Variants in HACE1 observed in about 807,000 individuals in gnomAD.
HACE1 encodes HECT domain and ankyrin repeat containing E3 ubiquitin protein ligase 1.
HACE1 carries 73 observed loss-of-function variants against 118.4 expected under a neutral mutation model. The ratio of observed to expected loss-of-function variants is 0.62; its 90% CI spans 0.51 to 0.75. The LOEUF is 0.75. Ranked by LOEUF, HACE1 falls within the 30% of genes least tolerant of loss-of-function variation. HACE1 has a pLI of 0.00. For missense variants in HACE1, 749 were observed against 1,102.2 expected, an observed-to-expected ratio of 0.68 and a Z score of 4.54; for synonymous variants, 368 against 374.8, an observed-to-expected ratio of 0.98 and a Z score of 0.21.
intron 19 of HACE1, among the ~76,000 whole-genome samples, chr6:104,756,436 T>C (rs1401451784): frequency 1.4e-5 from 2 of 144,800 alleles, no homozygotes; most frequent in African/African-American, 5.1e-5. Context: ...AATATATATA[T>C]ATATATATAT....
intron 1 of HACE1, among the ~76,000 whole-genome samples, chr6:104,854,974 C>G (rs898324381): frequency 1.3e-5 from 2 of 152,008 alleles, no homozygotes; most frequent in African/African-American, 2.4e-5. Context: ...ATTTAAGAAC[C>G]ATTATCTTAA....
chr6:104,742,930 A>G (rs1360964984), intron 22 of HACE1, among the ~76,000 whole-genome samples: 1 of 152,082 alleles, frequency 6.6e-6, no homozygotes, highest in African/African-American at 2.4e-5. Context: ...CAACAATGAT[A>G]GACTGGATTA....
chr6:104,795,682 G>T lies in HACE1; in HGVS notation c.820C>A (p.Arg274=), dbSNP rs186515097. The part of the protein sequence containing the change: ...QNEDLRENML[R]QVLEHLSQQS... ...TGAGACAAATGCTCCAGAACTTGCC[G>T]TAACTAAATTTTTTACAAATAAAAA... is the stretch of plus-strand genomic sequence containing the variant. Residue 274 remains arginine, a synonymous_variant, in exon 10 of 24, where the codon CGG becomes AGG. Coordinates refer to ENST00000262903, the MANE Select transcript of HACE1 (RefSeq NM_020771.4). 1 of 1,595,724 alleles carries T rather than the reference G, an allele frequency of 6.3e-7. No homozygotes were observed. Among genetic ancestry groups the T allele is most frequent in the African/African-American group, 1.3e-5 (1 of 74,622 alleles).
At chr6:104,794,755 A>C (rs1783427298) in intron 10 of HACE1, among the ~76,000 whole-genome samples, 1 of 152,130 alleles carries the variant, frequency 6.6e-6, no homozygotes, top group Admixed American at 6.6e-5. Context: ...AATACAAAAA[A>C]TTAGCCGGGC....
intron 4 of HACE1, among the ~76,000 whole-genome samples, chr6:104,847,439 A>G (rs900609473): frequency 1.3e-5 from 2 of 152,228 alleles, no homozygotes; most frequent in African/African-American, 4.8e-5. Context: ...GATATCTAAC[A>G]TGGCTAATTA....
At chr6:104,823,042 G>A (rs1340019727) in intron 6 of HACE1, among the ~76,000 whole-genome samples, 1 of 152,122 alleles carries the variant, frequency 6.6e-6, no homozygotes, top group African/African-American at 2.4e-5. Flanking sequence ...AACTGTCATA[G>A]CCTTGTATTT....
At chr6:104,764,966 C>A (rs981170123) in intron 19 of HACE1, among the ~76,000 whole-genome samples, 1 of 152,154 alleles carries the variant, frequency 6.6e-6, no homozygotes, top group Non-Finnish European at 1.5e-5. Flanking sequence ...TACACAACAT[C>A]CTTCATATTA....
At chr6:104,734,441 C>T (rs1775591336) in intron 22 of HACE1, among the ~76,000 whole-genome samples, 1 of 151,996 alleles carries the variant, frequency 6.6e-6, no homozygotes. Flanking sequence ...AAAATTTATA[C>T]TTTTGGTTTT....
rs993195605 is a variant in HACE1, at chr6:104,791,628, A to T, written c.950T>A (p.Met317Lys). Residue 317 changes from methionine to lysine, a missense_variant, in exon 11 of 24, where the codon ATG becomes AAG. Physicochemically the swap from Met to Lys is moderately conservative, Grantham distance 95. This residue lies in a region of HACE1 where 267 missense variants were observed against 312.2 expected (regional missense o/e 0.86). Transcript: ENST00000262903. ...LSLSSNYDAQ[M>K]KSLLRIVRMF... ...TCTCACAATCCTTAAAAGGCTCTTC[A>T]TTTGAGCATCATAATTGCTAGAGAG... is the stretch of plus-strand genomic sequence containing the variant. 4 of 1,611,046 alleles carry T rather than the reference A, an allele frequency of 2.5e-6. No individual in the cohort carries two copies. Among genetic ancestry groups the T allele is most frequent in the Non-Finnish European group, 3.4e-6 (4 of 1,177,444 alleles).
chr6:104,815,460 C>G (rs1246109644), intron 6 of HACE1, among the ~76,000 whole-genome samples: 1 of 136,256 alleles, frequency 7.3e-6, no homozygotes, highest in Admixed American at 7.2e-5. Flanking sequence ...CTCCACCTCC[C>G]AGGTTCCAGT....
chr6:104,819,872 A>T (rs1772508200), intron 6 of HACE1, among the ~76,000 whole-genome samples: 1 of 152,200 alleles, frequency 6.6e-6, no homozygotes, highest in Non-Finnish European at 1.5e-5. Flanking sequence ...ACCATATACA[A>T]AAATTAACTC....
At chr6:104,741,415 T>C (rs1420728691) in intron 22 of HACE1, among the ~76,000 whole-genome samples, 10 of 151,536 alleles carry the variant, frequency 6.6e-5, no homozygotes, top group South Asian at 6.3e-4. Flanking sequence ...AAAACCCCAT[T>C]GTATCAGCCC....
chr6:104,815,985 A>T (rs1772071857), intron 6 of HACE1, among the ~76,000 whole-genome samples: 3 of 151,868 alleles, frequency 2.0e-5, no homozygotes, highest in Non-Finnish European at 4.4e-5. Context: ...AGGCAGGAGA[A>T]TTGCTTGAAC....
chr6:104,807,048 G>C (rs956195694), intron 7 of HACE1, among the ~76,000 whole-genome samples: 1 of 147,346 alleles, frequency 6.8e-6, no homozygotes, highest in African/African-American at 2.5e-5. Flanking sequence ...TCTTGAGATG[G>C]AGTCTCACTC....
In HACE1 at chr6:104,822,097, G is replaced by A. The variant is rs542144245; in HGVS notation, c.535-10704C>T. ...AATTATCCAGGCGTGGGCCGGGCGC[G>A]GTGGCTCACACCTGTAATCCCAGCA... On this transcript the variant is annotated intron_variant, in intron 6 of 23. Transcript: ENST00000262903. Among the ~76,000 whole-genome samples the A allele has an allele frequency of 2.1e-3, 320 of 151,078 alleles. 1 individual carries two copies. Among genetic ancestry groups the A allele is most frequent in the African/African-American group, 7.1e-3 (290 of 41,030 alleles).
chr6:104,845,566 C>T (rs1262283882), intron 4 of HACE1, among the ~76,000 whole-genome samples: 8 of 151,380 alleles, frequency 5.3e-5, no homozygotes, highest in Non-Finnish European at 7.4e-5. Context: ...CAAGCTCCTC[C>T]TCCCAGGTTC....
At chr6:104,828,192 G>C (rs1773518207) in intron 6 of HACE1, among the ~76,000 whole-genome samples, 1 of 151,978 alleles carries the variant, frequency 6.6e-6, no homozygotes, top group African/African-American at 2.4e-5. Flanking sequence ...ACAGAGAATA[G>C]TGTTAGGTTT....
chr6:104,778,544 C>G (rs1420092512), intron 14 of HACE1, among the ~76,000 whole-genome samples: 1 of 151,850 alleles, frequency 6.6e-6, no homozygotes, highest in Non-Finnish European at 1.5e-5. Context: ...CCTGTAATCC[C>G]AGCACTTTGG....
chr6:104,795,789 C>A, intron 9 of HACE1, 104 bp from the exon 10 acceptor site: 1 of 707,008 alleles, frequency 1.4e-6, no homozygotes, highest in Non-Finnish European at 2.5e-6. Context: ...TAGTCTAAAT[C>A]AAGTCCTTTA....
Sources: gnomAD v4.1 joint callset for allele counts (sites outside exome capture counted in the v4.1 genomes callset) on GRCh38, gnomAD v4.1.1 for gene constraint, gnomAD v4.1.1 regional missense constraint, MANE v1.5 for transcripts, NCBI Gene and HGNC (gene_info 2026-07-23, HGNC 2026-07-21) for gene names.